The following TMCO5A variants were observed in gnomAD, a reference collection of about 807,000 sequenced individuals.
TMCO5A encodes the protein transmembrane and coiled-coil domains 5A.
A neutral mutation model predicts 42.3 loss-of-function variants in TMCO5A; 34 were observed. The ratio of observed to expected loss-of-function variants is 0.80; its 90% CI spans 0.61 to 1.07. The LOEUF (loss-of-function observed/expected upper bound fraction) is 1.07, where lower values mean the gene tolerates loss of function less well. Among genes scored for constraint, TMCO5A ranks in the 50% least tolerant of loss-of-function variants. The pLI is 0.00. For missense variants in TMCO5A, 357 were observed against 327.9 expected, an observed-to-expected ratio of 1.09 and a Z score of -0.69; for synonymous variants, 131 against 115.6, an observed-to-expected ratio of 1.13 and a Z score of -0.86.
chr15:37,953,838 A>G (rs373697584), downstream of TMCO5A, among the ~76,000 whole-genome samples: 3 of 152,184 alleles, frequency 2.0e-5, no homozygotes, highest in South Asian at 2.1e-4. Flanking sequence ...TCAGAATTCT[A>G]TCAGAAAAAT....
At chr15:38,022,129 C>G in the TMCO5A span, among the ~76,000 whole-genome samples, 1 of 152,258 alleles carries the variant, frequency 6.6e-6, no homozygotes, top group Middle Eastern at 3.4e-3. Flanking sequence ...CAAAACTAAT[C>G]ATACGCTTAT....
the TMCO5A span, among the ~76,000 whole-genome samples, chr15:38,002,223 T>C: frequency 9.9e-5 from 15 of 150,844 alleles, no homozygotes; most frequent in Admixed American, 7.9e-4. Context: ...TTTTTTTTCC[T>C]TCTGCATGTT....
chr15:37,937,809 C>T (rs532730478), intron 5 of TMCO5A, among the ~76,000 whole-genome samples: 5 of 152,202 alleles, frequency 3.3e-5, no homozygotes, highest in African/African-American at 1.2e-4. Context: ...TTTCCAATGC[C>T]TCAATACCTC....
the TMCO5A span, among the ~76,000 whole-genome samples, chr15:38,029,978 T>G: frequency 6.6e-6 from 1 of 152,154 alleles, no homozygotes; most frequent in East Asian, 1.9e-4. Context: ...ATATAAAACC[T>G]CATAAGATTC....
chr15:38,017,426 G>T, the TMCO5A span, among the ~76,000 whole-genome samples: 1 of 152,068 alleles, frequency 6.6e-6, no homozygotes, highest in Non-Finnish European at 1.5e-5. Flanking sequence ...CCTGCTCTGT[G>T]CAAAGCAACT....
the TMCO5A span, among the ~76,000 whole-genome samples, chr15:37,986,549 A>G: frequency 6.6e-6 from 1 of 151,968 alleles, no homozygotes. Context: ...ACTGCCATCC[A>G]TCTCCAGAGG....
the TMCO5A span, among the ~76,000 whole-genome samples, chr15:37,990,081 G>A: frequency 2.0e-5 from 3 of 152,036 alleles, no homozygotes; most frequent in Non-Finnish European, 4.4e-5. Flanking sequence ...ATATGAACCT[G>A]AGAAGAATGT....
At chr15:37,936,794 A>G (rs953458389) in intron 3 of TMCO5A, 53 bp from the exon 4 acceptor site, 3 of 1,603,394 alleles carry the variant, frequency 1.9e-6, no homozygotes, top group African/African-American at 2.7e-5. Flanking sequence ...GTGTTTTATC[A>G]GTTCTGAAAC....
chr15:37,938,586 A>T (rs909959886), intron 6 of TMCO5A, among the ~76,000 whole-genome samples: 13 of 152,116 alleles, frequency 8.5e-5, no homozygotes. Context: ...GAAATTGTGT[A>T]TAAAAAATAT....
At chr15:37,960,121 A>T (rs897966004) in intron 11 of TMCO5A, among the ~76,000 whole-genome samples, 1 of 151,862 alleles carries the variant, frequency 6.6e-6, no homozygotes, top group African/African-American at 2.4e-5. Flanking sequence ...AGCAGTATAC[A>T]CTGCACTACA....
At chr15:38,011,137 C>A in the TMCO5A span, among the ~76,000 whole-genome samples, 20 of 152,180 alleles carry the variant, frequency 1.3e-4, no homozygotes, top group African/African-American at 4.8e-4. Context: ...GGAACCTGGG[C>A]ACAGCTTAGT....
chr15:38,026,814 T>C, the TMCO5A span, among the ~76,000 whole-genome samples: 7 of 152,180 alleles, frequency 4.6e-5, no homozygotes, highest in Admixed American at 4.6e-4. Flanking sequence ...CAGCCATGGC[T>C]GAAAGGGGCC....
At chr15:37,959,228 C>T (rs943783665) in intron 11 of TMCO5A, among the ~76,000 whole-genome samples, 19 of 152,080 alleles carry the variant, frequency 1.2e-4, no homozygotes, top group South Asian at 2.1e-4. Context: ...AATAAACCTG[C>T]ACATTCTGCA....
chr15:37,936,198 G>T, intron 2 of TMCO5A, 116 bp from the exon 3 acceptor site: 1 of 1,159,228 alleles, frequency 8.6e-7, no homozygotes, highest in Non-Finnish European at 1.2e-6. Flanking sequence ...AAAATGGTAT[G>T]CCCCCAGAGA....
At chr15:38,036,214 A>G in the TMCO5A span, among the ~76,000 whole-genome samples, 1 of 152,192 alleles carries the variant, frequency 6.6e-6, no homozygotes, top group Non-Finnish European at 1.5e-5. Context: ...CTGCTAGTGG[A>G]GGATTTCTTG....
At chr15:38,040,801 A>G in the TMCO5A span, 1 of 152,220 alleles carries the variant, frequency 6.6e-6, no homozygotes, top group Non-Finnish European at 1.5e-5. Flanking sequence ...TGGGAAGGGA[A>G]AAGTGGGGAA....
the TMCO5A span, among the ~76,000 whole-genome samples, chr15:38,027,065 C>A: frequency 6.6e-6 from 1 of 152,168 alleles, no homozygotes; most frequent in African/African-American, 2.4e-5. Flanking sequence ...TCAGATCCCC[C>A]ACACAGAGTC....
At chr15:37,966,249 G>C (rs1890552754) in intron 11 of TMCO5A, among the ~76,000 whole-genome samples, 1 of 150,956 alleles carries the variant, frequency 6.6e-6, no homozygotes, top group Admixed American at 6.6e-5. Flanking sequence ...ACCAGAGGTT[G>C]TGAAGGATGA....
intron 6 of TMCO5A, among the ~76,000 whole-genome samples, chr15:37,940,892 A>T (rs1889711758): frequency 6.6e-6 from 1 of 152,144 alleles, no homozygotes. Context: ...GAAATGGCTA[A>T]GTAAGAGTAG....
Sources: allele counts gnomAD v4.1 joint callset (sites outside exome capture counted in the v4.1 genomes callset), GRCh38; gene constraint gnomAD v4.1.1; transcripts MANE v1.5; gene names NCBI Gene and HGNC (gene_info 2026-07-23, HGNC 2026-07-21).